The following CFAP92 variants were observed in gnomAD, a reference collection of about 807,000 sequenced individuals.
CFAP92 encodes uncharacterized protein CFAP92.
CFAP92 carries 86 observed loss-of-function variants against 106.3 expected under a neutral mutation model. The observed-to-expected ratio is 0.81, with a 90% CI of 0.68 to 0.97. The LOEUF is 0.97. Among genes scored for constraint, CFAP92 ranks in the 50% least tolerant of loss-of-function variants. The probability of loss-of-function intolerance (pLI) is 0.00; values close to 1 mark genes in which losing one functional copy is unlikely to be tolerated. For missense variants in CFAP92, 1,204 were observed against 1,283.8 expected, an observed-to-expected ratio of 0.94 and a Z score of 0.95; for synonymous variants, 477 against 506.4, an observed-to-expected ratio of 0.94 and a Z score of 0.78.
chr3:129,003,838 C>T (rs1047735281), upstream of CFAP92: 46 of 1,460,640 alleles, frequency 3.1e-5, no homozygotes, highest in Non-Finnish European at 4.0e-5. Context: ...AGATGGGGCA[C>T]GGCGGGCCGG....
chr3:129,023,579 G>A, the CFAP92 span, among the ~76,000 whole-genome samples: 13 of 152,070 alleles, frequency 8.5e-5, no homozygotes, highest in Non-Finnish European at 1.5e-4. Flanking sequence ...TGATCCACCC[G>A]CCTCGGCCTC....
intron 1 of CFAP92, among the ~76,000 whole-genome samples, chr3:128,999,479 A>C (rs1243768279): frequency 6.9e-6 from 1 of 145,418 alleles, no homozygotes; most frequent in Non-Finnish European, 1.5e-5. Context: ...AGGGTGTTGC[A>C]CTCTTGCCTG....
intron 10 of CFAP92, among the ~76,000 whole-genome samples, 152 bp from the exon 11 acceptor site, chr3:128,935,471 G>C (rs62265292): frequency 0.048 from 7,316 of 152,224 alleles, 356 homozygotes; most frequent in African/African-American, 0.12. Flanking sequence ...CAGCACTTTG[G>C]GAGGCTGAGG....
upstream of CFAP92, chr3:129,003,317 G>C: frequency 1.0e-6 from 1 of 982,624 alleles, no homozygotes; most frequent in African/African-American, 1.7e-5. Context: ...CTATGTGCCA[G>C]GTTTGTTTTA....
At chr3:128,912,761 G>A (rs751378864) in intron 15 of CFAP92, 1 of 782,302 alleles carries the variant, frequency 1.3e-6, no homozygotes, top group Non-Finnish European at 2.3e-6. Flanking sequence ...GCCTGGGAGA[G>A]CCTCTTCCAG....
chr3:128,957,558 A>C (rs1941540116), intron 9 of CFAP92, among the ~76,000 whole-genome samples: 1 of 152,236 alleles, frequency 6.6e-6, no homozygotes, highest in Non-Finnish European at 1.5e-5. Context: ...ACCCACAAGA[A>C]AGCAGGAATA....
In CFAP92 at chr3:128,910,846, G is replaced by A. The variant is rs1242547832; in HGVS notation, c.3281-513C>T. The A allele has an allele frequency of 1.3e-5, 21 of 1,610,484 alleles. No homozygotes were observed. The South Asian group carries it at 2.2e-4, about 17-fold the overall frequency. ...GCATGTCTTGGGGGAGGGAAGGAAG[G>A]GCCCACTTCTAGGCCCCTATTGATG... On this transcript the variant is annotated intron_variant, in intron 15 of 15. Coordinates refer to ENST00000645291, the MANE Select transcript of CFAP92 (RefSeq NM_001394090.1).
intron 12 of CFAP92, among the ~76,000 whole-genome samples, chr3:128,925,626 A>G (rs1171099709): frequency 2.6e-5 from 4 of 152,236 alleles, no homozygotes; most frequent in African/African-American, 9.6e-5. Context: ...GAAGATGAAT[A>G]TAAGTAATAT....
upstream of CFAP92, among the ~76,000 whole-genome samples, chr3:128,996,939 TCA>T (rs1451334337): frequency 7.9e-5 from 12 of 152,208 alleles, no homozygotes; most frequent in African/African-American, 2.9e-4. Context: ...GATGGCATTC[TCA>T]GAGCAGGGAT....
chr3:129,017,042 C>A, the CFAP92 span, among the ~76,000 whole-genome samples: 1 of 152,222 alleles, frequency 6.6e-6, no homozygotes, highest in Non-Finnish European at 1.5e-5. Flanking sequence ...TCATTTTGGC[C>A]TGTCAGCAAG....
the CFAP92 span, among the ~76,000 whole-genome samples, chr3:129,010,193 A>C: frequency 6.6e-6 from 1 of 152,356 alleles, no homozygotes; most frequent in African/African-American, 2.4e-5. This position sits in a 1 kb window ranked among gnomAD's most constrained non-coding sequence, Gnocchi z 4.3. Context: ...GTCCCCCTTC[A>C]GTCCTCAGTA....
Position 128,932,815 on chromosome 3 carries a change from T to C in CFAP92, c.2636A>G (p.Tyr879Cys). 2.0e-6 allele frequency: 3 copies of C among 1,536,254 alleles called. No individual in the cohort carries two copies. The highest frequency in any genetic ancestry group is 1.2e-5 in the South Asian group (1 of 84,056). The change falls in exon 12 of 16, where the codon TAC (tyrosine) becomes TGC (cysteine). Residue 879 changes from tyrosine (Y) to cysteine (C), a missense_variant. Tyr to Cys is a radical substitution (Grantham distance 194). Coordinates refer to ENST00000645291, the MANE Select transcript of CFAP92 (RefSeq NM_001394090.1). ...GGTGAGGGTGGAGTTCCGACTGTGG[T>C]AGTCCTCAAGATTGGGGGCAGGCTG... ...PPQPAPNLEDYHSRNSTLTLE... is the reference protein window; with the variant it reads ...PPQPAPNLEDCHSRNSTLTLE...
At chr3:128,989,004 G>T in intron 2 of CFAP92, 86 bp from the exon 3 acceptor site, 1 of 1,052,648 alleles carries the variant, frequency 9.5e-7, no homozygotes, top group Non-Finnish European at 1.4e-6. Flanking sequence ...GCTTGATGTT[G>T]TGAGAGGCTG....
chr3:129,008,372 G>A, the CFAP92 span, among the ~76,000 whole-genome samples: 6 of 152,148 alleles, frequency 3.9e-5, no homozygotes, highest in Non-Finnish European at 7.3e-5. Context: ...CACACAAGTT[G>A]GAGGTCTCCT....
chr3:128,916,735 C>T (rs1170442874), intron 12 of CFAP92, among the ~76,000 whole-genome samples: 1 of 152,092 alleles, frequency 6.6e-6, no homozygotes, highest in Non-Finnish European at 1.5e-5. Flanking sequence ...CTTCCCTGAA[C>T]AGAGAGAAAT....
chr3:129,010,256 TC>T, the CFAP92 span, among the ~76,000 whole-genome samples: 2 of 152,216 alleles, frequency 1.3e-5, no homozygotes, highest in African/African-American at 2.4e-5. This position sits in a 1 kb window ranked among gnomAD's most constrained non-coding sequence, Gnocchi z 4.3. Context: ...CGCCCATATC[TC>T]AACCAGTTGC....
At chr3:128,951,689 C>T (rs990599828) in intron 9 of CFAP92, among the ~76,000 whole-genome samples, 35 of 151,966 alleles carry the variant, frequency 2.3e-4, no homozygotes, top group African/African-American at 7.5e-4. Context: ...ATATCAAAGA[C>T]GAAGAAAGGG....
intron 9 of CFAP92, among the ~76,000 whole-genome samples, chr3:128,962,030 AT>A (rs1276758956): frequency 5.3e-5 from 8 of 152,124 alleles, no homozygotes; most frequent in African/African-American, 1.2e-4. Flanking sequence ...GCAGCCCAGG[AT>A]TCCTCCTAAG....
chr3:129,019,389 A>G, the CFAP92 span, among the ~76,000 whole-genome samples: 2 of 152,198 alleles, frequency 1.3e-5, no homozygotes, highest in African/African-American at 4.8e-5. Context: ...TGGGATTTAG[A>G]AGCCCAGTCA....
Sources: allele counts gnomAD v4.1 joint callset (sites outside exome capture counted in the v4.1 genomes callset), GRCh38; gene constraint gnomAD v4.1.1; non-coding constraint Gnocchi (gnomAD v3.1); transcripts MANE v1.5; gene names NCBI Gene and HGNC (gene_info 2026-07-23, HGNC 2026-07-21).